The following SMG6 variants were observed in gnomAD, a reference collection of about 807,000 sequenced individuals.
The protein encoded by SMG6 is telomerase-binding protein EST1A.
In SMG6, 66 loss-of-function variants were observed where a neutral mutation model predicts 142.2. The ratio of observed to expected loss-of-function variants is 0.46; its 90% CI spans 0.38 to 0.57. The LOEUF (loss-of-function observed/expected upper bound fraction) is 0.57. Among genes scored for constraint, SMG6 ranks in the 20% least tolerant of loss-of-function variants. The pLI, the probability that SMG6 is intolerant of heterozygous loss-of-function variation, is 0.00. For missense variants in SMG6, 1,793 were observed against 1,832.0 expected (o/e 0.98, Z 0.39); for synonymous variants, 779 against 702.4 (o/e 1.11, Z -1.72).
At chr17:2,176,022 T>C (rs1034977476) in intron 12 of SMG6, among the ~76,000 whole-genome samples, 2 of 151,558 alleles carry the variant, frequency 1.3e-5, no homozygotes, top group African/African-American at 2.4e-5. Context: ...AGTGAGGGAG[T>C]GTCAGGAAAC....
At chr17:2,267,184 T>C (rs979287899) in intron 8 of SMG6, among the ~76,000 whole-genome samples, 51 of 152,190 alleles carry the variant, frequency 3.4e-4, no homozygotes, top group African/African-American at 1.2e-3. Context: ...TAAAAAATTT[T>C]CTGATGCCCA....
chr17:2,205,392 A>G (rs991294873), intron 10 of SMG6, among the ~76,000 whole-genome samples: 1 of 152,176 alleles, frequency 6.6e-6, no homozygotes, highest in Non-Finnish European at 1.5e-5. Flanking sequence ...GCCTGTATCT[A>G]ATTTTAAACT....
chr17:2,084,505 G>A (rs922036958), intron 14 of SMG6, among the ~76,000 whole-genome samples: 2 of 152,198 alleles, frequency 1.3e-5, no homozygotes, highest in Non-Finnish European at 2.9e-5. Context: ...AATGAAGCCA[G>A]TCCAAGACTC....
chr17:2,069,283 T>C (rs1389341029), intron 15 of SMG6, among the ~76,000 whole-genome samples: 1 of 152,090 alleles, frequency 6.6e-6, no homozygotes, highest in African/African-American at 2.4e-5. Flanking sequence ...ACATACATTA[T>C]CTAGAAAGCC....
chr17:2,140,957 A>AG (rs1435691428), intron 13 of SMG6, among the ~76,000 whole-genome samples: 1 of 152,214 alleles, frequency 6.6e-6, no homozygotes, highest in Non-Finnish European at 1.5e-5. Flanking sequence ...AGGCTGAGGT[A>AG]GGGCCTAAAA....
chr17:2,125,000 A>G (rs756349353), intron 13 of SMG6, among the ~76,000 whole-genome samples: 17 of 152,176 alleles, frequency 1.1e-4, no homozygotes, highest in Non-Finnish European at 2.5e-4. Flanking sequence ...CAGCATCTCC[A>G]TTTGGAGAAG....
intron 10 of SMG6, among the ~76,000 whole-genome samples, chr17:2,228,384 G>A (rs372779985): frequency 2.0e-5 from 3 of 152,042 alleles, no homozygotes; most frequent in Non-Finnish European, 2.9e-5. Context: ...GCCTGCCACC[G>A]TGCAGGGCTA....
intron 13 of SMG6, chr17:2,088,422 C>T: frequency 2.0e-6 from 2 of 985,398 alleles, no homozygotes; most frequent in Non-Finnish European, 2.4e-6. Flanking sequence ...AGGAGTAGCC[C>T]TCTCCCAGTT....
At chr17:2,132,519 G>C (rs537852022) in intron 13 of SMG6, among the ~76,000 whole-genome samples, 2 of 152,304 alleles carry the variant, frequency 1.3e-5, no homozygotes, top group South Asian at 4.1e-4. Flanking sequence ...AAGAGTACCA[G>C]AGGGAGTGGG....
intron 10 of SMG6, among the ~76,000 whole-genome samples, chr17:2,211,412 C>T (rs2072857571): frequency 6.6e-6 from 1 of 152,054 alleles, no homozygotes; most frequent in Non-Finnish European, 1.5e-5. Context: ...CGCCTGTAAT[C>T]CCAGCACTTT....
At chr17:2,069,355 T>C (rs1269153637) in intron 15 of SMG6, among the ~76,000 whole-genome samples, 7 of 151,874 alleles carry the variant, frequency 4.6e-5, no homozygotes. Context: ...TATTTTGACT[T>C]ACTTCACTGT....
chr17:2,238,291 C>T (rs1057484273), intron 9 of SMG6, among the ~76,000 whole-genome samples: 2 of 152,186 alleles, frequency 1.3e-5, no homozygotes, highest in African/African-American at 4.8e-5. Context: ...ACAAAAGATG[C>T]CATGCATTTG....
At chr17:2,160,239 G>T (rs2071133417) in intron 13 of SMG6, among the ~76,000 whole-genome samples, 1 of 151,930 alleles carries the variant, frequency 6.6e-6, no homozygotes, top group African/African-American at 2.4e-5. Flanking sequence ...TAATTTTTTT[G>T]AGACAGATCT....
intron 13 of SMG6, among the ~76,000 whole-genome samples, chr17:2,136,032 G>GTGTC (rs1567626637): frequency 7.3e-6 from 1 of 137,894 alleles, no homozygotes; most frequent in African/African-American, 2.7e-5. Context: ...GTGTGTGTGT[G>GTGTC]TGTGTCTGTG....
At chr17:2,292,839 G>T in intron 5 of SMG6, 32 bp downstream of exon 5, 1 of 1,579,498 alleles carries the variant, frequency 6.3e-7, no homozygotes, top group Non-Finnish European at 8.7e-7. Context: ...GCCACATAGG[G>T]AAGAGAAATA....
intron 13 of SMG6, among the ~76,000 whole-genome samples, chr17:2,131,764 C>T (rs2070129386): frequency 6.6e-6 from 1 of 152,116 alleles, no homozygotes; most frequent in Admixed American, 6.5e-5. Context: ...ACTTGCAAAT[C>T]AATAAAAACC....
intron 13 of SMG6, among the ~76,000 whole-genome samples, chr17:2,131,592 G>A (rs1410250473): frequency 6.6e-6 from 1 of 152,116 alleles, no homozygotes; most frequent in Non-Finnish European, 1.5e-5. Flanking sequence ...GAGCCCCCAT[G>A]CCCAGCCAGA....
intron 10 of SMG6, among the ~76,000 whole-genome samples, chr17:2,214,999 G>A (rs1007796629): frequency 3.9e-5 from 6 of 152,158 alleles, no homozygotes; most frequent in Admixed American, 3.3e-4. Flanking sequence ...CCAATGCTGC[G>A]ATACCAAAGC....
In SMG6 at chr17:2,152,651, A is replaced by G. The variant is rs1365813682; in HGVS notation, c.3357+20007T>C. 2.0e-5 allele frequency among the ~76,000 whole-genome samples: 3 copies of G among 152,200 alleles called. No individual in the cohort carries two copies. The East Asian group carries it at 5.8e-4, about 29-fold the overall frequency. On this transcript the variant is annotated intron_variant, in intron 13 of 18. Transcript: ENST00000263073. Reference sequence around the variant, plus strand: ...TGCGAATTAAAATCACAAGGTACCTAGTATAATTATTAAAAAACAAACAAA... The same window carrying G: ...TGCGAATTAAAATCACAAGGTACCTGGTATAATTATTAAAAAACAAACAAA...
Sources: allele counts gnomAD v4.1 joint callset (sites outside exome capture counted in the v4.1 genomes callset), GRCh38; gene constraint gnomAD v4.1.1; transcripts MANE v1.5; gene names NCBI Gene and HGNC (gene_info 2026-07-23, HGNC 2026-07-21).